PTGFR: variants seen among roughly 807,000 people sequenced by gnomAD.
PTGFR encodes prostaglandin F receptor, also known as prostaglandin F2-alpha receptor.
Under a neutral mutation model 26.2 loss-of-function variants are expected in PTGFR, and 15 were observed. The ratio of observed to expected loss-of-function variants is 0.57; its 90% CI spans 0.38 to 0.88. The LOEUF is 0.88. Among genes scored for constraint, PTGFR ranks in the 40% least tolerant of loss-of-function variants. The probability of loss-of-function intolerance (pLI) is 0.00; values close to 1 mark genes in which losing one functional copy is unlikely to be tolerated. For synonymous variants in PTGFR, 165 were observed against 151.1 expected, an observed-to-expected ratio of 1.09 and a Z score of -0.68; for missense variants, 369 against 427.2, an observed-to-expected ratio of 0.86 and a Z score of 1.20.
At chr1:78,503,866 A>C (rs996773744) in intron 2 of PTGFR, among the ~76,000 whole-genome samples, 4 of 152,196 alleles carry the variant, frequency 2.6e-5, no homozygotes, top group Non-Finnish European at 5.9e-5. Context: ...TGGCATCAAT[A>C]TTGGTTGTTA....
chr1:78,498,093 G>A (rs1235943403), intron 2 of PTGFR: 2 of 606,358 alleles, frequency 3.3e-6, no homozygotes, highest in African/African-American at 3.9e-5. Context: ...CAAAGAACTG[G>A]GTGGCTAATT....
At chr1:78,522,008 G>A (rs555822941) in intron 2 of PTGFR, among the ~76,000 whole-genome samples, 4 of 152,058 alleles carry the variant, frequency 2.6e-5, no homozygotes, top group African/African-American at 9.7e-5. Context: ...GTCTCAACAA[G>A]TGTCTGAGAT....
chr1:78,511,456 C>T (rs187208509), intron 2 of PTGFR, among the ~76,000 whole-genome samples: 3 of 152,298 alleles, frequency 2.0e-5, no homozygotes, highest in African/African-American at 7.2e-5. Context: ...TACCTGAGGC[C>T]CTTTGAGCCA....
intron 2 of PTGFR, among the ~76,000 whole-genome samples, chr1:78,534,697 G>GT (rs11464403): frequency 0.22 from 33,589 of 150,050 alleles, 3,839 homozygotes; most frequent in South Asian, 0.26. Context: ...TACATATTTG[G>GT]TTTTTTTTTC....
intron 2 of PTGFR, among the ~76,000 whole-genome samples, chr1:78,505,722 A>G (rs1191856118): frequency 1.4e-4 from 21 of 152,158 alleles, no homozygotes; most frequent in Non-Finnish European, 1.5e-5. Context: ...CGTGACAACC[A>G]CTAATTTCTC....
Position 78,537,258 on chromosome 1 carries a change from A to C in PTGFR, c.*571A>C, listed in dbSNP as rs1437288530. 1 of 152,190 alleles carries C rather than the reference A, an allele frequency of 6.6e-6. No homozygotes were observed. The highest frequency in any genetic ancestry group is 2.1e-4 in the South Asian group (1 of 4,826). 9.4% of individuals were successfully genotyped at this position (152,190 alleles called of 1,614,324 possible). On this transcript the variant is annotated 3_prime_UTR_variant, in exon 3 of 3. Coordinates refer to ENST00000370757, the MANE Select transcript of PTGFR (RefSeq NM_000959.4). ...TGGCAGACAGGTTGCCTGACCCTGCAATCCTATCTAGAATGGGCCCATTCT... is the reference window on the plus strand; with the variant it reads ...TGGCAGACAGGTTGCCTGACCCTGCCATCCTATCTAGAATGGGCCCATTCT...
intron 2 of PTGFR, among the ~76,000 whole-genome samples, chr1:78,506,197 T>G (rs1270063700): frequency 6.6e-6 from 1 of 152,016 alleles, no homozygotes; most frequent in South Asian, 2.1e-4. Context: ...CAACACTTTT[T>G]ATTTTCTCTT....
chr1:78,530,319 C>G (rs1039489846), intron 2 of PTGFR, among the ~76,000 whole-genome samples: 2 of 152,142 alleles, frequency 1.3e-5, no homozygotes, highest in African/African-American at 2.4e-5. Context: ...TTGGTTATAT[C>G]TGTTGTTATG....
chr1:78,528,603 T>C (rs1031620365), intron 2 of PTGFR, among the ~76,000 whole-genome samples: 2 of 152,132 alleles, frequency 1.3e-5, no homozygotes, highest in South Asian at 4.1e-4. Context: ...GGTCTGTAGG[T>C]TTAGATTGGC....
At chr1:78,522,282 G>A (rs952055678) in intron 2 of PTGFR, among the ~76,000 whole-genome samples, 1 of 151,996 alleles carries the variant, frequency 6.6e-6, no homozygotes, top group East Asian at 1.9e-4. Context: ...GCTAGAGAAA[G>A]TTATCTGCCT....
chr1:78,496,355 A>G (rs1649552605), intron 2 of PTGFR, among the ~76,000 whole-genome samples: 1 of 152,114 alleles, frequency 6.6e-6, no homozygotes, highest in African/African-American at 2.4e-5. Context: ...AAAGCTTCTG[A>G]TTTTTAAAAA....
At chr1:78,501,316 T>C (rs1649699342) in intron 2 of PTGFR, among the ~76,000 whole-genome samples, 1 of 152,216 alleles carries the variant, frequency 6.6e-6, no homozygotes, top group African/African-American at 2.4e-5. Context: ...TTTATATTTG[T>C]TTTGGAAGTC....
At chr1:78,492,642 G>T in intron 1 of PTGFR, 30 bp from the exon 2 acceptor site, 4 of 1,162,530 alleles carry the variant, frequency 3.4e-6, no homozygotes, top group Non-Finnish European at 4.8e-6. Context: ...GTAATGCGGT[G>T]TTCATAATTC....
intron 2 of PTGFR, among the ~76,000 whole-genome samples, chr1:78,533,190 A>T (rs1650564542): frequency 6.6e-6 from 1 of 152,206 alleles, no homozygotes; most frequent in African/African-American, 2.4e-5. Context: ...TGAAAGGCTG[A>T]CATTTAGTAA....
intron 2 of PTGFR, among the ~76,000 whole-genome samples, chr1:78,518,730 T>A (rs927455991): frequency 7.9e-5 from 12 of 152,114 alleles, no homozygotes; most frequent in East Asian, 1.9e-4. Flanking sequence ...ATTAAAAAAA[T>A]TTTTTTCATG....
chr1:78,505,004 A>G (rs1649794750), intron 2 of PTGFR, among the ~76,000 whole-genome samples: 1 of 152,032 alleles, frequency 6.6e-6, no homozygotes, highest in Admixed American at 6.6e-5. Context: ...AGTGTTTCTT[A>G]TCTTGATCAC....
At position 78,493,237 on chromosome 1, in the gene PTGFR, T is replaced by C; in HGVS notation, c.494T>C (p.Phe165Ser). 1 of 1,614,232 alleles carries C rather than the reference T, an allele frequency of 6.2e-7. No individual in the cohort carries two copies. Among genetic ancestry groups the C allele is most frequent in the Middle Eastern group, 1.6e-4 (1 of 6,062 alleles). ...AGTGGTGTGTGCTTGTTTGCTGTTTTCATAGCTTTGCTGCCCATCCTTGGA... is the reference window on the plus strand; with the variant it reads ...AGTGGTGTGTGCTTGTTTGCTGTTTCCATAGCTTTGCTGCCCATCCTTGGA... ...MLSGVCLFAVFIALLPILGHR... is the reference protein window; with the variant it reads ...MLSGVCLFAVSIALLPILGHR... The change falls in exon 2 of 3, where the codon TTC becomes TCC. Residue 165 changes from phenylalanine to serine, a missense_variant. Phe to Ser is a radical substitution (Grantham distance 155). Transcript: ENST00000370757.
rs190934262 is a variant in PTGFR, at chr1:78,539,109, A to G, written c.*2422A>G. On this transcript the variant is annotated 3_prime_UTR_variant, in exon 3 of 3. Coordinates refer to ENST00000370757, the MANE Select transcript of PTGFR (RefSeq NM_000959.4). ...TAGCTATGGGTAAGTCCAAAACATC[A>G]GACCTTTTACTGATGGGTTAACTAG... is the stretch of plus-strand genomic sequence containing the variant. 1.1e-4 allele frequency: 16 copies of G among 152,180 alleles called. No individual in the cohort carries two copies. Among genetic ancestry groups the G allele is most frequent in the African/African-American group, 3.6e-4 (15 of 41,570 alleles). The allele number at this position is 152,180 out of a possible 1,614,324, so 9.4% of individuals were successfully genotyped here.
intron 2 of PTGFR, among the ~76,000 whole-genome samples, chr1:78,521,617 T>C (rs672561): frequency 0.26 from 38,925 of 152,060 alleles, 5,345 homozygotes; most frequent in African/African-American, 0.34. Flanking sequence ...TGGTTTCAAT[T>C]GTTTATTGAG....
Sources: gnomAD v4.1 joint callset for allele counts (sites outside exome capture counted in the v4.1 genomes callset) on GRCh38, gnomAD v4.1.1 for gene constraint, MANE v1.5 for transcripts, NCBI Gene and HGNC (gene_info 2026-07-23, HGNC 2026-07-21) for gene names.